GRM7: variants seen among roughly 807,000 people sequenced by gnomAD.
GRM7 encodes the protein glutamate metabotropic receptor 7, also known as metabotropic glutamate receptor 7.
GRM7 carries 35 observed loss-of-function variants against 84.5 expected under a neutral mutation model. The ratio of observed to expected loss-of-function variants is 0.41; its 90% CI spans 0.32 to 0.55. The LOEUF (loss-of-function observed/expected upper bound fraction) is 0.55. Among genes scored for constraint, GRM7 ranks in the 20% least tolerant of loss-of-function variants. The pLI is 0.19. For synonymous variants in GRM7, 487 were observed against 455.1 expected, an observed-to-expected ratio of 1.07 and a Z score of -0.89; for missense variants, 1,003 against 1,194.6, an observed-to-expected ratio of 0.84 and a Z score of 2.36.
chr3:7,650,455 T>C (rs1165832239), intron 8 of GRM7, among the ~76,000 whole-genome samples: 4 of 152,208 alleles, frequency 2.6e-5, no homozygotes, highest in African/African-American at 4.8e-5. Context: ...TGGTACTTTG[T>C]GTCAGGCCAA....
At chr3:7,726,435 A>G (rs898029718) in intron 9 of GRM7, among the ~76,000 whole-genome samples, 6 of 151,746 alleles carry the variant, frequency 4.0e-5, no homozygotes, top group African/African-American at 1.5e-4. Context: ...AAATGTACAA[A>G]GTAAAATGTA....
intron 5 of GRM7, among the ~76,000 whole-genome samples, chr3:7,423,781 A>G (rs1424999639): frequency 6.6e-6 from 1 of 152,158 alleles, no homozygotes; most frequent in Non-Finnish European, 1.5e-5. Context: ...ATCTCCAGAT[A>G]AAAACTTTCT....
chr3:7,634,386 T>TC (rs1173438884), intron 8 of GRM7, among the ~76,000 whole-genome samples: 8 of 149,136 alleles, frequency 5.4e-5, no homozygotes, highest in African/African-American at 2.0e-4. Flanking sequence ...CAAGTGTTTT[T>TC]CCCATTGCAA....
chr3:7,119,417 C>G (rs1274176557), intron 1 of GRM7, among the ~76,000 whole-genome samples: 1 of 152,020 alleles, frequency 6.6e-6, no homozygotes, highest in African/African-American at 2.4e-5. Flanking sequence ...GTTCATGATG[C>G]CTTCTTGAGA....
chr3:7,251,809 A>C (rs1480171424), intron 2 of GRM7, among the ~76,000 whole-genome samples: 3 of 152,358 alleles, frequency 2.0e-5, no homozygotes, highest in Non-Finnish European at 2.9e-5. Context: ...ACTGGGATTT[A>C]AGGTATTTAA....
intron 7 of GRM7, among the ~76,000 whole-genome samples, chr3:7,493,122 TG>T (rs1407550610): frequency 6.6e-6 from 1 of 152,062 alleles, no homozygotes; most frequent in Admixed American, 6.6e-5. Flanking sequence ...TATGAGCACT[TG>T]GGAAAAAATG....
At chr3:7,334,389 A>G (rs917615086) in intron 4 of GRM7, among the ~76,000 whole-genome samples, 2 of 152,270 alleles carry the variant, frequency 1.3e-5, no homozygotes, top group South Asian at 4.1e-4. Flanking sequence ...GCCCTACAAG[A>G]TCTACTAAAA....
Position 6,862,057 on chromosome 3 carries a change from G to A in GRM7, c.519+150G>A, listed in dbSNP as rs1022607333. 5 of 641,056 alleles carry A rather than the reference G, an allele frequency of 7.8e-6. No individual in the cohort carries two copies. Among genetic ancestry groups the A allele is most frequent in the Non-Finnish European group, 1.3e-5 (5 of 372,900 alleles). The allele number at this position is 641,056 out of a possible 1,614,324, so 39.7% of individuals were successfully genotyped here. ...CTGCCGAATCCCTCCCACCCCGCTC[G>A]AGGAGATACCTTCCCTGCTTGGTTT... On this transcript the variant is annotated intron_variant, in intron 1 of 9. Transcript: ENST00000357716. This position sits in a 1 kb window ranked among gnomAD's most constrained non-coding sequence, Gnocchi z 5.2.
At chr3:7,645,171 C>G (rs1698564002) in intron 8 of GRM7, among the ~76,000 whole-genome samples, 1 of 152,138 alleles carries the variant, frequency 6.6e-6, no homozygotes, top group Non-Finnish European at 1.5e-5. Flanking sequence ...CCACTAATTA[C>G]TTCCCTATAC....
chr3:7,636,724 T>C (rs1698110794), intron 8 of GRM7, among the ~76,000 whole-genome samples: 1 of 151,536 alleles, frequency 6.6e-6, no homozygotes, highest in African/African-American at 2.4e-5. Context: ...GAGAGAACCC[T>C]AGGGTTGTAG....
rs540328711 is a variant in GRM7, at chr3:6,877,657, C to T, written c.519+15750C>T. Among the ~76,000 whole-genome samples the T allele has an allele frequency of 9.6e-4, 146 of 152,152 alleles. 1 individual carries two copies. The highest frequency in any genetic ancestry group is 3.3e-3 in the African/African-American group (135 of 41,512). On this transcript the variant is annotated intron_variant, in intron 1 of 9. Transcript: ENST00000357716. The stretch of plus-strand genomic sequence containing the variant: ...AGGCCCATGAGGTAGATTGACATTC[C>T]GCTTGTATGAGTAGAAAATGGTGTT...
chr3:7,508,819 G>A (rs1185966641), intron 7 of GRM7, among the ~76,000 whole-genome samples: 2 of 152,094 alleles, frequency 1.3e-5, no homozygotes, highest in Non-Finnish European at 2.9e-5. Context: ...TGCATTTCTT[G>A]AGTTCTTGCT....
intron 1 of GRM7, among the ~76,000 whole-genome samples, chr3:7,048,105 A>G (rs763277354): frequency 2.0e-5 from 3 of 151,994 alleles, no homozygotes; most frequent in African/African-American, 4.8e-5. Context: ...AGAATATTAC[A>G]GTTCTCTATA....
At position 7,215,896 on chromosome 3, in the gene GRM7, A is replaced by G. The variant is rs1696593809; in HGVS notation, c.736+69228A>G. Among the ~76,000 whole-genome samples the G allele has an allele frequency of 2.0e-5, 3 of 152,134 alleles. No individual in the cohort carries two copies. In the South Asian group the frequency reaches 6.2e-4, roughly 31 times the overall value. On this transcript the variant is annotated intron_variant, in intron 2 of 9. Transcript: ENST00000357716. The stretch of plus-strand genomic sequence containing the variant: ...AAAACTCAACTTTCCCGCCAACTGA[A>G]TACTTGGCATCTCCTGAGGGATTCC...
chr3:7,052,458 A>T (rs984184932), intron 1 of GRM7, among the ~76,000 whole-genome samples: 10 of 151,570 alleles, frequency 6.6e-5, no homozygotes, highest in Admixed American at 6.6e-4. Flanking sequence ...CTTGTTTTAA[A>T]AATCTAATTT....
rs573495770 is a variant in GRM7 at position 7,599,846 on chromosome 3, A to G, written c.2451+20489A>G. Among the ~76,000 whole-genome samples the G allele has an allele frequency of 2.2e-3, 333 of 152,106 alleles. 6 individuals carry two copies. The South Asian group carries it at 0.035, about 16-fold the overall frequency. The stretch of plus-strand genomic sequence containing the variant: ...AATGGAACGCTTGGTTTTCAGACTC[A>G]GATGTACACGGTCGTGGGGGGTGGG... On this transcript the variant is annotated intron_variant, in intron 8 of 9. Coordinates refer to ENST00000357716, the MANE Select transcript of GRM7 (RefSeq NM_000844.4).
chr3:7,570,716 C>A (rs1252658786), intron 7 of GRM7, among the ~76,000 whole-genome samples: 1 of 152,176 alleles, frequency 6.6e-6, no homozygotes, highest in Non-Finnish European at 1.5e-5. Context: ...AGGATGGTGG[C>A]CCTTTTCTCA....
intron 1 of GRM7, among the ~76,000 whole-genome samples, chr3:6,903,493 C>A (rs1381479032): frequency 6.6e-6 from 1 of 152,084 alleles, no homozygotes; most frequent in Non-Finnish European, 1.5e-5. Flanking sequence ...TTGCTTCTGA[C>A]ACCATCTCAC....
intron 8 of GRM7, among the ~76,000 whole-genome samples, chr3:7,634,360 G>T (rs1559452919): frequency 6.6e-6 from 1 of 150,924 alleles, no homozygotes. Flanking sequence ...TGAAGAAACA[G>T]CAACAAAAAC....
Sources: gnomAD v4.1 joint callset for allele counts (sites outside exome capture counted in the v4.1 genomes callset) on GRCh38, gnomAD v4.1.1 for gene constraint, Gnocchi (gnomAD v3.1) non-coding constraint, MANE v1.5 for transcripts, NCBI Gene and HGNC (gene_info 2026-07-23, HGNC 2026-07-21) for gene names.